PIK3C2G: variants seen among roughly 807,000 people sequenced by gnomAD.
PIK3C2G encodes phosphatidylinositol-4-phosphate 3-kinase catalytic subunit type 2 gamma.
In PIK3C2G, 168 loss-of-function variants were observed where a neutral mutation model predicts 181.1. The observed-to-expected ratio is 0.93, with a 90% CI of 0.82 to 1.05. The LOEUF (loss-of-function observed/expected upper bound fraction) is 1.05, where lower values mean the gene tolerates loss of function less well. Ranked by LOEUF, PIK3C2G falls within the 50% of genes least tolerant of loss-of-function variation. The pLI, the probability that PIK3C2G is intolerant of heterozygous loss-of-function variation, is 0.00. For missense variants in PIK3C2G, 1,869 were observed against 1,732.8 expected (o/e 1.08, Z -1.40); for synonymous variants, 573 against 592.2 (o/e 0.97, Z 0.47).
chr12:18,627,386 C>T (rs912891331), intron 31 of PIK3C2G, among the ~76,000 whole-genome samples: 2 of 151,966 alleles, frequency 1.3e-5, no homozygotes, highest in East Asian at 1.9e-4. Context: ...TTTCTTTGGG[C>T]GTCATTGCTG....
intron 32 of PIK3C2G, among the ~76,000 whole-genome samples, chr12:18,644,561 T>C (rs972106173): frequency 2.0e-5 from 3 of 152,172 alleles, no homozygotes; most frequent in Non-Finnish European, 4.4e-5. Flanking sequence ...CTGCAGAATA[T>C]ACAGTGATTA....
At chr12:18,650,663 A>AT (rs1950409496), downstream of PIK3C2G, among the ~76,000 whole-genome samples, 2 of 50,786 alleles carry the variant, frequency 3.9e-5, no homozygotes, top group African/African-American at 5.6e-5. Context: ...CTGGAATATA[A>AT]ATGTGTGTGT....
At chr12:18,472,483 G>A (rs1272968772) in intron 18 of PIK3C2G, among the ~76,000 whole-genome samples, 4 of 151,972 alleles carry the variant, frequency 2.6e-5, no homozygotes, top group Non-Finnish European at 5.9e-5. Context: ...TATAATGTAA[G>A]CTCTGTGACC....
chr12:18,343,588 T>C (rs1939358731), intron 10 of PIK3C2G, among the ~76,000 whole-genome samples: 1 of 151,982 alleles, frequency 6.6e-6, no homozygotes, highest in Non-Finnish European at 1.5e-5. Context: ...CTCTAAACTT[T>C]TAGCCTGATA....
At chr12:18,702,007 C>T in the PIK3C2G span, among the ~76,000 whole-genome samples, 1 of 152,012 alleles carries the variant, frequency 6.6e-6, no homozygotes, top group African/African-American at 2.4e-5. Context: ...TTGAGACTTA[C>T]CATATGCCAT....
the PIK3C2G span, chr12:18,723,231 T>C: frequency 1.7e-5 from 21 of 1,251,748 alleles, no homozygotes; most frequent in South Asian, 2.8e-4. Context: ...TAAAAATACT[T>C]TGCTTTGAAA....
intron 26 of PIK3C2G, among the ~76,000 whole-genome samples, chr12:18,552,120 T>C (rs905258998): frequency 2.0e-5 from 3 of 152,116 alleles, no homozygotes; most frequent in African/African-American, 2.4e-5. Flanking sequence ...TTTGAAGCCG[T>C]TGGAAATGTG....
At chr12:18,683,695 A>G in the PIK3C2G span, 2 of 1,146,854 alleles carry the variant, frequency 1.7e-6, no homozygotes, top group Non-Finnish European at 2.3e-6. Flanking sequence ...CACCCTGGAA[A>G]GGTGACTCTG....
chr12:18,366,397 G>A (rs1354498655), intron 12 of PIK3C2G, among the ~76,000 whole-genome samples: 3 of 152,074 alleles, frequency 2.0e-5, no homozygotes, highest in Non-Finnish European at 4.4e-5. Flanking sequence ...GCCAGGCGTG[G>A]TGGCCTGTAC....
chr12:18,607,205 G>A (rs779715270), intron 30 of PIK3C2G: 2 of 514,034 alleles, frequency 3.9e-6, no homozygotes, highest in African/African-American at 1.9e-5. Context: ...GACAAAAATG[G>A]TTAACAAAAT....
chr12:18,292,225 A>ATAT (rs1218635876), intron 4 of PIK3C2G, among the ~76,000 whole-genome samples: 9 of 55,350 alleles, frequency 1.6e-4, no homozygotes, highest in East Asian at 1.5e-3. Context: ...AAAAAAAAAA[A>ATAT]AAATATATAT....
intron 16 of PIK3C2G, among the ~76,000 whole-genome samples, chr12:18,409,439 C>T (rs12317656): frequency 1.2e-4 from 18 of 152,056 alleles, no homozygotes; most frequent in Admixed American, 6.5e-4. Context: ...GGAGAAATAC[C>T]TAATGTAGAT....
intron 24 of PIK3C2G, among the ~76,000 whole-genome samples, chr12:18,532,880 G>A (rs1943632145): frequency 1.5e-5 from 2 of 131,600 alleles, no homozygotes; most frequent in African/African-American, 5.9e-5. Flanking sequence ...CTAAAAGTTT[G>A]CTGTTTTTTT....
chr12:18,357,298 G>GGT (rs368517946), intron 11 of PIK3C2G, among the ~76,000 whole-genome samples: 3,280 of 150,634 alleles, frequency 0.022, 69 homozygotes, highest in South Asian at 0.029. Flanking sequence ...AGGAGGTGTG[G>GGT]GTGTGTGTGT....
At chr12:18,702,439 A>G in the PIK3C2G span, among the ~76,000 whole-genome samples, 6 of 152,310 alleles carry the variant, frequency 3.9e-5, no homozygotes, top group East Asian at 9.6e-4. Context: ...TTTAACAAGT[A>G]CATTTAAGTA....
intron 1 of PIK3C2G, among the ~76,000 whole-genome samples, chr12:18,266,290 A>C (rs1948495800): frequency 6.6e-6 from 1 of 152,082 alleles, no homozygotes; most frequent in African/African-American, 2.4e-5. Context: ...TAATAACTCT[A>C]TATATACAAA....
At chr12:18,611,406 T>G (rs1046936834) in intron 31 of PIK3C2G, among the ~76,000 whole-genome samples, 2 of 152,088 alleles carry the variant, frequency 1.3e-5, no homozygotes, top group Non-Finnish European at 2.9e-5. Context: ...CTCTTAACAT[T>G]GAAAGATTTT....
intron 18 of PIK3C2G, among the ~76,000 whole-genome samples, chr12:18,438,676 C>G (rs61914557): frequency 0.09 from 13,625 of 151,800 alleles, 763 homozygotes; most frequent in Non-Finnish European, 0.13. Flanking sequence ...ACTCTACTTA[C>G]ATATTATGAA....
intron 30 of PIK3C2G, among the ~76,000 whole-genome samples, chr12:18,606,208 A>G (rs1256576670): frequency 6.6e-6 from 1 of 152,158 alleles, no homozygotes; most frequent in Non-Finnish European, 1.5e-5. Flanking sequence ...TTCAAGTGGC[A>G]ATTGTACTTT....
Sources: allele counts gnomAD v4.1 joint callset (sites outside exome capture counted in the v4.1 genomes callset), GRCh38; gene constraint gnomAD v4.1.1; transcripts MANE v1.5; gene names NCBI Gene and HGNC (gene_info 2026-07-23, HGNC 2026-07-21).